PCDHGB1: variants seen among roughly 807,000 people sequenced by gnomAD.
The protein encoded by PCDHGB1 is protocadherin gamma subfamily B, 1.
In PCDHGB1, 34 loss-of-function variants were observed where a neutral mutation model predicts 56.6. That is an observed-to-expected ratio of 0.60 (90% CI 0.46 to 0.80). PCDHGB1 has a LOEUF of 0.80. PCDHGB1 is among the 30% of genes least tolerant of loss of function. The pLI is 0.00. For missense variants in PCDHGB1, 1,278 were observed against 1,204.6 expected, an observed-to-expected ratio of 1.06 and a Z score of -0.90; for synonymous variants, 561 against 505.9, an observed-to-expected ratio of 1.11 and a Z score of -1.46.
Position 141,404,690 on chromosome 5 carries a change from C to T in PCDHGB1, c.2409+52021C>T, listed in dbSNP as rs199517824. The T allele has an allele frequency of 1.9e-4, 304 of 1,613,808 alleles. 1 individual carries two copies. Among genetic ancestry groups the T allele is most frequent in the Non-Finnish European group, 2.1e-4 (250 of 1,179,844 alleles). On this transcript the variant is annotated intron_variant, in intron 1 of 3. Coordinates refer to ENST00000523390, the MANE Select transcript of PCDHGB1 (RefSeq NM_018922.3). ...TTCTACTGGTGTGGAGCTGGCACCC[C>T]GCTCTGCAGAGCCTGGCTACCTGGT...
rs747049833 is a variant in PCDHGB1 at position 141,372,558 on chromosome 5, G to T, written c.2409+19889G>T. 2.5e-6 allele frequency: 4 copies of T among 1,614,002 alleles called. No individual in the cohort carries two copies. In the South Asian group the frequency reaches 4.4e-5, roughly 18 times the overall value. ...GCGCCTGCGATGCTCCTCCAGACCC[G>T]CCACTGAGGGCTACTTTCAGCCTGG... On this transcript the variant is annotated intron_variant, in intron 1 of 3. Transcript: ENST00000523390.
chr5:141,382,810 C>T, intron 1 of PCDHGB1: 3 of 1,162,786 alleles, frequency 2.6e-6, no homozygotes, highest in Non-Finnish European at 3.7e-6. Context: ...TCTGAGCTCC[C>T]CTTCCTAAGA....
chr5:141,422,703 G>GA, intron 1 of PCDHGB1: 1 of 1,603,132 alleles, frequency 6.2e-7, no homozygotes, highest in African/African-American at 1.3e-5. Context: ...CTTACTCTCT[G>GA]ACGGATGACA....
Position 141,511,703 on chromosome 5 carries a change from T to G in PCDHGB1, c.*530T>G, listed in dbSNP as rs148447880. On this transcript the variant is annotated 3_prime_UTR_variant, in exon 4 of 4. Coordinates refer to ENST00000523390, the MANE Select transcript of PCDHGB1 (RefSeq NM_018922.3). ...AAAGCATGGTTTGGTGCCAGCCCCT[T>G]CACCTCCTTCCAGAGCCCAAGATCA... The G allele has an allele frequency of 1.1e-4, 21 of 189,942 alleles. No homozygotes were observed. In the East Asian group the frequency reaches 2.4e-3, roughly 22 times the overall value. 11.8% of individuals were successfully genotyped at this position (189,942 alleles called of 1,614,324 possible).
chr5:141,371,540 C>G, intron 1 of PCDHGB1: 1 of 1,613,730 alleles, frequency 6.2e-7, no homozygotes, highest in East Asian at 2.2e-5. Flanking sequence ...ATGGAGAAAT[C>G]CTATGCCAAC....
chr5:141,355,063 C>G (rs902736924), intron 1 of PCDHGB1: 8 of 1,314,420 alleles, frequency 6.1e-6, no homozygotes, highest in Non-Finnish European at 7.2e-6. Flanking sequence ...GGCTCTGGAG[C>G]TTTATGAAAG....
intron 1 of PCDHGB1, among the ~76,000 whole-genome samples, chr5:141,449,868 T>C (rs902371897): frequency 1.3e-5 from 2 of 151,910 alleles, no homozygotes; most frequent in African/African-American, 4.8e-5. Flanking sequence ...AATCAGAAAA[T>C]TTAACATCAA....
In PCDHGB1 at chr5:141,350,530, G is replaced by T; in HGVS notation, c.270G>T (p.Glu90Asp). 1.9e-6 allele frequency: 3 copies of T among 1,614,064 alleles called. No individual in the cohort carries two copies. Among genetic ancestry groups the T allele is most frequent in the Non-Finnish European group, 1.7e-6 (2 of 1,179,898 alleles). ...TAGTGAACGGTAGGATAGATCGAGA[G>T]AAGATTTGCGGAAGGAAACTTGAGT... ...DLLVNGRIDR[E>D]KICGRKLECA... is the part of the protein sequence containing the mutation. Residue 90 changes from glutamate (E) to aspartate (D), a missense_variant, in exon 1 of 4, where the codon GAG becomes GAT. By Grantham distance (45) the Glu-to-Asp change is conservative. Coordinates refer to ENST00000523390, the MANE Select transcript of PCDHGB1 (RefSeq NM_018922.3).
Position 141,485,992 on chromosome 5 carries a change from C to T in PCDHGB1, c.2410-8815C>T. The T allele has an allele frequency of 6.2e-7, 1 of 1,614,156 alleles. No individual in the cohort carries two copies. The highest frequency in any genetic ancestry group is 2.2e-5 in the East Asian group (1 of 44,870). On this transcript the variant is annotated intron_variant, in intron 1 of 3. Coordinates refer to ENST00000523390, the MANE Select transcript of PCDHGB1 (RefSeq NM_018922.3). The surrounding 1 kb of genome is among the most constrained non-coding windows in gnomAD (Gnocchi z 5.7). ...ATGCCTCAGACCCGGACCTGGGTCC[C>T]AGTGGTAACGTCACCTTTTATTTCA...
rs768559201 is a variant in PCDHGB1, at chr5:141,431,344, G to A, written c.2410-63463G>A. Reference sequence around the variant, plus strand: ...ACGGTAGTAAGTACCCCGAATTGGTGCTGAAACGCGCCCTGGACCGCGAAG... The same window carrying A: ...ACGGTAGTAAGTACCCCGAATTGGTACTGAAACGCGCCCTGGACCGCGAAG... On this transcript the variant is annotated intron_variant, in intron 1 of 3. Coordinates refer to ENST00000523390, the MANE Select transcript of PCDHGB1 (RefSeq NM_018922.3). The surrounding 1 kb of genome is among the most constrained non-coding windows in gnomAD (Gnocchi z 4.8). 3.9e-5 allele frequency: 63 copies of A among 1,614,078 alleles called. No homozygotes were observed. Among genetic ancestry groups the A allele is most frequent in the Non-Finnish European group, 5.0e-5 (59 of 1,180,044 alleles).
chr5:141,415,062 G>C, intron 1 of PCDHGB1: 1 of 1,613,426 alleles, frequency 6.2e-7, no homozygotes, highest in Non-Finnish European at 8.5e-7. Context: ...ACACGGGCGA[G>C]GTGCGCACGG....
intron 2 of PCDHGB1, among the ~76,000 whole-genome samples, 199 bp downstream of exon 2, chr5:141,495,064 C>T (rs563712352): frequency 6.6e-6 from 1 of 152,296 alleles, no homozygotes; most frequent in South Asian, 2.1e-4. Context: ...GTTCAGGAAG[C>T]TCAATTCACA....
intron 1 of PCDHGB1, among the ~76,000 whole-genome samples, chr5:141,382,481 T>C (rs1778238182): frequency 6.6e-6 from 1 of 152,228 alleles, no homozygotes; most frequent in Non-Finnish European, 1.5e-5. Flanking sequence ...TCTAAGATTA[T>C]CAAACACCGG....
At chr5:141,389,903 C>T in intron 1 of PCDHGB1, 1 of 1,614,092 alleles carries the variant, frequency 6.2e-7, no homozygotes, top group Non-Finnish European at 8.5e-7. Context: ...TGCCGGATAT[C>T]ACTGACCGCC....
intron 1 of PCDHGB1, chr5:141,372,151 A>G: frequency 6.2e-7 from 1 of 1,613,654 alleles, no homozygotes; most frequent in South Asian, 1.1e-5. Flanking sequence ...GAGCCTGGCT[A>G]CCTGGTGACC....
intron 1 of PCDHGB1, chr5:141,374,414 G>A: frequency 1.9e-6 from 3 of 1,614,026 alleles, no homozygotes; most frequent in Non-Finnish European, 1.7e-6. Context: ...CATCCTTGTC[G>A]AGGATAAACT....
chr5:141,430,395 A>C (rs1461176471), intron 1 of PCDHGB1, among the ~76,000 whole-genome samples: 1 of 152,096 alleles, frequency 6.6e-6, no homozygotes, highest in Non-Finnish European at 1.5e-5. Context: ...AAAAAAAAAA[A>C]AGCTCACTAA....
intron 1 of PCDHGB1, chr5:141,422,945 C>T (rs13188215): frequency 6.2e-7 from 1 of 1,614,134 alleles, no homozygotes; most frequent in Non-Finnish European, 8.5e-7. Context: ...ACAGACGGCT[C>T]CACTGGCGTG....
At chr5:141,481,077 G>A (rs1251064585) in intron 1 of PCDHGB1, among the ~76,000 whole-genome samples, 5 of 151,906 alleles carry the variant, frequency 3.3e-5, no homozygotes, top group Non-Finnish European at 7.4e-5. Context: ...AAGAAAGAAA[G>A]AAAAAAGAAA....
Sources: allele counts gnomAD v4.1 joint callset (sites outside exome capture counted in the v4.1 genomes callset), GRCh38; gene constraint gnomAD v4.1.1; non-coding constraint Gnocchi (gnomAD v3.1); transcripts MANE v1.5; gene names NCBI Gene and HGNC (gene_info 2026-07-23, HGNC 2026-07-21).